Variants in LRFN2 observed in about 807,000 individuals in gnomAD.
LRFN2 encodes the protein leucine rich repeat and fibronectin type III domain containing 2.
Under a neutral mutation model 37.3 loss-of-function variants are expected in LRFN2, and 18 were observed. The observed-to-expected ratio is 0.48, with a 90% CI of 0.33 to 0.72. LRFN2 has a LOEUF of 0.72. LRFN2 is among the 30% of genes least tolerant of loss of function. The pLI is 0.02. For synonymous variants in LRFN2, 556 were observed against 466.6 expected, an observed-to-expected ratio of 1.19 and a Z score of -2.47; for missense variants, 1,006 against 1,060.7, an observed-to-expected ratio of 0.95 and a Z score of 0.72.
At chr6:40,515,501 T>A (rs1483117729) in intron 1 of LRFN2, among the ~76,000 whole-genome samples, 1 of 152,172 alleles carries the variant, frequency 6.6e-6, no homozygotes, top group Non-Finnish European at 1.5e-5. Context: ...AGTACCTACA[T>A]CCTTCACCTG....
chr6:40,505,416 T>C lies in LRFN2; in HGVS notation c.-18-72285A>G, dbSNP rs562612156. Among the ~76,000 whole-genome samples the C allele has an allele frequency of 2.0e-5, 3 of 152,316 alleles. No individual in the cohort carries two copies. The East Asian group carries it at 5.8e-4, about 29-fold the overall frequency. On this transcript the variant is annotated intron_variant, in intron 1 of 2. Coordinates refer to ENST00000338305, the MANE Select transcript of LRFN2 (RefSeq NM_020737.3). ...ATCCATGGTTTCGGAAGTCTCTAAG[T>C]ATGTAATTTCGCTCCATGACGCAGG...
At chr6:40,499,085 A>G (rs558074329) in intron 1 of LRFN2, among the ~76,000 whole-genome samples, 295 of 152,290 alleles carry the variant, frequency 1.9e-3, no homozygotes, top group African/African-American at 6.8e-3. Flanking sequence ...CTCACTTAGA[A>G]TGAGGAAGGA....
intron 1 of LRFN2, among the ~76,000 whole-genome samples, chr6:40,585,930 A>G (rs2113803322): frequency 6.6e-6 from 1 of 151,926 alleles, no homozygotes; most frequent in South Asian, 2.1e-4. Flanking sequence ...TGTAACTCCA[A>G]CTCAAGAGTG....
rs1762522514 is a variant in LRFN2, at chr6:40,392,268, C to A, written c.2045G>T (p.Arg682Ile). Reference protein sequence around the residue: ...ELLDSRTPAGRGAGTSARGHH... With the variant: ...ELLDSRTPAGIGAGTSARGHH... The stretch of plus-strand genomic sequence containing the variant: ...GCCCCGGGCCGACGTCCCAGCCCCT[C>A]TCCCGGCTGGAGTCCTGGAGTCCAG... The change falls in exon 3 of 3, where the codon AGA becomes ATA. Residue 682 changes from arginine to isoleucine, a missense_variant. Arg to Ile is a moderately conservative substitution (Grantham distance 97). Around this residue, in one of 4 missense-constraint regions of LRFN2, gnomAD observed 398 missense variants for 327.6 expected, o/e 1.21. Transcript: ENST00000338305. The surrounding 1 kb of genome is among the most constrained non-coding windows in gnomAD (Gnocchi z 4.7). 6.3e-7 allele frequency: 1 copy of A among 1,598,098 alleles called. No homozygotes were observed.
At chr6:40,446,227 G>A (rs1183065160) in intron 1 of LRFN2, among the ~76,000 whole-genome samples, 1 of 152,216 alleles carries the variant, frequency 6.6e-6, no homozygotes, top group Non-Finnish European at 1.5e-5. Flanking sequence ...ATCCAAGGCT[G>A]GGGTGTAGTC....
intron 1 of LRFN2, among the ~76,000 whole-genome samples, chr6:40,528,847 G>A (rs1189046736): frequency 6.6e-6 from 1 of 152,110 alleles, no homozygotes; most frequent in African/African-American, 2.4e-5. Flanking sequence ...TTCACCCCGG[G>A]TCCCCATGGA....
chr6:40,519,969 G>T (rs780250268), intron 1 of LRFN2, among the ~76,000 whole-genome samples: 2 of 152,212 alleles, frequency 1.3e-5, no homozygotes, highest in Non-Finnish European at 2.9e-5. Context: ...ATTTCAGGCA[G>T]AGGGAACAGC....
chr6:40,509,523 A>C (rs1479274785), intron 1 of LRFN2, among the ~76,000 whole-genome samples: 1 of 152,210 alleles, frequency 6.6e-6, no homozygotes, highest in African/African-American at 2.4e-5. Context: ...GGGTGAGTGC[A>C]TGCATGTGGG....
chr6:40,460,330 C>CAG (rs1309017465), intron 1 of LRFN2, among the ~76,000 whole-genome samples: 3 of 152,226 alleles, frequency 2.0e-5, no homozygotes, highest in Non-Finnish European at 4.4e-5. Context: ...CAGTCCCCTG[C>CAG]AGATGGAAGA....
intron 2 of LRFN2, among the ~76,000 whole-genome samples, chr6:40,407,365 C>A (rs1762869265): frequency 6.6e-6 from 1 of 152,178 alleles, no homozygotes; most frequent in Non-Finnish European, 1.5e-5. Flanking sequence ...AGTTCTGCCC[C>A]CGACCAGATG....
chr6:40,510,271 G>A (rs1765669907), intron 1 of LRFN2, among the ~76,000 whole-genome samples: 2 of 152,152 alleles, frequency 1.3e-5, no homozygotes, highest in African/African-American at 4.8e-5. Flanking sequence ...GGAATCCTAT[G>A]TGTTACTGTA....
intron 1 of LRFN2, among the ~76,000 whole-genome samples, chr6:40,473,347 C>A (rs1001314922): frequency 6.6e-6 from 1 of 152,182 alleles, no homozygotes; most frequent in African/African-American, 2.4e-5. Context: ...AGTGCCTCTG[C>A]TTCAAAGTCA....
At chr6:40,585,111 C>T (rs1231836006) in intron 1 of LRFN2, among the ~76,000 whole-genome samples, 9 of 152,160 alleles carry the variant, frequency 5.9e-5, no homozygotes, top group Non-Finnish European at 1.2e-4. Flanking sequence ...CCACAGCAGG[C>T]AGGCACCCAG....
intron 1 of LRFN2, among the ~76,000 whole-genome samples, chr6:40,493,502 C>A (rs1765143539): frequency 6.6e-6 from 1 of 152,188 alleles, no homozygotes; most frequent in Admixed American, 6.5e-5. Context: ...CAGGGCTTAA[C>A]CTACTGGCCT....
At chr6:40,546,199 T>C (rs1581788644) in intron 1 of LRFN2, among the ~76,000 whole-genome samples, 1 of 152,266 alleles carries the variant, frequency 6.6e-6, no homozygotes, top group East Asian at 1.9e-4. Flanking sequence ...ATTGGCTGGC[T>C]CTGGCTACAG....
At chr6:40,414,753 G>A (rs1763058314) in intron 2 of LRFN2, among the ~76,000 whole-genome samples, 1 of 152,232 alleles carries the variant, frequency 6.6e-6, no homozygotes, top group African/African-American at 2.4e-5. Context: ...CCCAGGCGGG[G>A]TCACTGTGAC....
chr6:40,586,765 G>A (rs937254243), intron 1 of LRFN2, among the ~76,000 whole-genome samples, 176 bp downstream of exon 1: 5 of 152,198 alleles, frequency 3.3e-5, no homozygotes, highest in South Asian at 2.1e-4. Context: ...AATCTCTCGC[G>A]ATAAGGATGG....
At chr6:40,566,027 A>AC (rs1767083539) in intron 1 of LRFN2, among the ~76,000 whole-genome samples, 1 of 152,174 alleles carries the variant, frequency 6.6e-6, no homozygotes, top group Non-Finnish European at 1.5e-5. Context: ...ATGAACTCAA[A>AC]AAATTTACAA....
intron 1 of LRFN2, among the ~76,000 whole-genome samples, chr6:40,472,392 T>C (rs191071433): frequency 1.1e-3 from 172 of 152,348 alleles, no homozygotes; most frequent in Non-Finnish European, 1.9e-3. Context: ...GTAGGCTGAG[T>C]TGGCATCTGA....
Sources: allele counts gnomAD v4.1 joint callset (sites outside exome capture counted in the v4.1 genomes callset), GRCh38; gene constraint gnomAD v4.1.1; regional missense constraint gnomAD v4.1.1; non-coding constraint Gnocchi (gnomAD v3.1); transcripts MANE v1.5; gene names NCBI Gene and HGNC (gene_info 2026-07-23, HGNC 2026-07-21).